Variants in PRRX2 observed in about 807,000 individuals in gnomAD.
The protein encoded by PRRX2 is paired mesoderm homeobox protein 2.
A neutral mutation model predicts 18.0 loss-of-function variants in PRRX2; 11 were observed. The ratio of observed to expected loss-of-function variants is 0.61; its 90% CI spans 0.39 to 1.01. The LOEUF (loss-of-function observed/expected upper bound fraction) is 1.01. PRRX2 is among the 50% of genes least tolerant of loss of function. PRRX2 has a pLI of 0.01. For missense variants in PRRX2, 387 were observed against 351.0 expected (o/e 1.10, Z -0.82); for synonymous variants, 177 against 154.8 (o/e 1.14, Z -1.06).
intron 1 of PRRX2, among the ~76,000 whole-genome samples, chr9:129,703,175 G>A (rs901697608): frequency 6.6e-6 from 1 of 152,256 alleles, no homozygotes; most frequent in Non-Finnish European, 1.5e-5. Flanking sequence ...ACAGCAGCTG[G>A]TGGGTACCTG....
At chr9:129,676,846 G>T (rs566757092) in intron 1 of PRRX2, among the ~76,000 whole-genome samples, 19 of 152,356 alleles carry the variant, frequency 1.2e-4, no homozygotes, top group African/African-American at 4.1e-4. Flanking sequence ...CCTGGAGAAA[G>T]AAGGGCTGCA....
intron 1 of PRRX2, among the ~76,000 whole-genome samples, chr9:129,699,439 ATGTGTGTGTG>A (rs3138854): frequency 1.9e-4 from 27 of 145,602 alleles, no homozygotes; most frequent in African/African-American, 5.8e-4. Flanking sequence ...AAATATATAT[ATGTGTGTGTG>A]TGTGTGTGTG....
Position 129,719,301 on chromosome 9 carries a change from GTTC to G in PRRX2, c.331_333del (p.Phe111del). On this transcript the variant is annotated inframe_deletion, in exon 2 of 4. Coordinates refer to ENST00000372469, the MANE Select transcript of PRRX2 (RefSeq NM_016307.4). ...AGAAGCAGCGGCGGAACCGCACCAC[GTTC>G]AACAGCAGCCAACTGCAGGCGCTGG... The G allele has an allele frequency of 1.2e-6, 2 of 1,611,044 alleles. No individual in the cohort carries two copies. Among genetic ancestry groups the G allele is most frequent in the Non-Finnish European group, 8.5e-7 (1 of 1,179,148 alleles).
intron 1 of PRRX2, among the ~76,000 whole-genome samples, chr9:129,694,737 A>G (rs1832399311): frequency 6.6e-6 from 1 of 152,104 alleles, no homozygotes; most frequent in Non-Finnish European, 1.5e-5. Context: ...CTGGGTTTGC[A>G]GGTGTGAGGA....
In PRRX2 at chr9:129,719,316, A is replaced by G. The variant is rs750705637; in HGVS notation, c.345A>G (p.Gln115=). 1.2e-6 allele frequency: 2 copies of G among 1,610,132 alleles called. No individual in the cohort carries two copies. Among genetic ancestry groups the G allele is most frequent in the Admixed American group, 1.7e-5 (1 of 59,628 alleles). The change falls in exon 2 of 4, where the codon CAA becomes CAG. Residue 115 remains glutamine (Q), a synonymous_variant. Coordinates refer to ENST00000372469, the MANE Select transcript of PRRX2 (RefSeq NM_016307.4). ...RRNRTTFNSS[Q]LQALERVFER... ...ACCGCACCACGTTCAACAGCAGCCA[A>G]CTGCAGGCGCTGGAGCGCGTGTTCG...
chr9:129,706,582 T>C (rs1832560391), intron 1 of PRRX2, among the ~76,000 whole-genome samples: 1 of 151,584 alleles, frequency 6.6e-6, no homozygotes, highest in Admixed American at 6.6e-5. Flanking sequence ...AAAATAATTA[T>C]TTGAGCATGG....
Position 129,665,908 on chromosome 9 carries a change from C to A in PRRX2, c.41C>A (p.Ala14Glu). 3 of 1,110,048 alleles carry A rather than the reference C, an allele frequency of 2.7e-6. No homozygotes were observed. Among genetic ancestry groups the A allele is most frequent in the Non-Finnish European group, 3.3e-6 (3 of 912,294 alleles). 68.8% of individuals were successfully genotyped at this position (1,110,048 alleles called of 1,614,324 possible). A position where few individuals can be genotyped will look rare whatever the true frequency, so the allele number is the denominator to read the frequency against. Reference protein sequence around the residue: ...AAAAFALDKPALGPGPPPPPP... With the variant: ...AAAAFALDKPELGPGPPPPPP... ...GCCGCCTTCGCCCTGGACAAGCCGGCGCTGGGCCCGGGGCCGCCGCCGCCT... is the reference window on the plus strand; with the variant it reads ...GCCGCCTTCGCCCTGGACAAGCCGGAGCTGGGCCCGGGGCCGCCGCCGCCT... The change falls in exon 1 of 4, where the codon GCG (alanine) becomes GAG (glutamate). Residue 14 changes from alanine to glutamate, a missense_variant. Physicochemically the swap from Ala to Glu is moderately radical, Grantham distance 107. Coordinates refer to ENST00000372469, the MANE Select transcript of PRRX2 (RefSeq NM_016307.4). This position sits in a 1 kb window ranked among gnomAD's most constrained non-coding sequence, Gnocchi z 5.3.
At position 129,675,816 on chromosome 9, in the gene PRRX2, G is replaced by A. The variant is rs899420923; in HGVS notation, c.259+9690G>A. The stretch of plus-strand genomic sequence containing the variant: ...GGCGGGCGCGCCTGGCAGGGGCCTC[G>A]CAGCCTCTCTCGCCGCCAGAGCTCT... On this transcript the variant is annotated intron_variant, in intron 1 of 3. Transcript: ENST00000372469. This position sits in a 1 kb window ranked among gnomAD's most constrained non-coding sequence, Gnocchi z 4.4. Among the ~76,000 whole-genome samples, 12 of 152,314 alleles carry A rather than the reference G, an allele frequency of 7.9e-5. No individual in the cohort carries two copies. Among genetic ancestry groups the A allele is most frequent in the South Asian group, 4.1e-4 (2 of 4,828 alleles).
chr9:129,693,377 T>C (rs2130919975), intron 1 of PRRX2, among the ~76,000 whole-genome samples: 1 of 152,308 alleles, frequency 6.6e-6, no homozygotes, highest in African/African-American at 2.4e-5. Context: ...GCGGATCACC[T>C]GAGGTCAGGA....
intron 1 of PRRX2, among the ~76,000 whole-genome samples, chr9:129,679,850 C>T (rs1280493935): frequency 6.6e-6 from 1 of 152,160 alleles, no homozygotes; most frequent in African/African-American, 2.4e-5. Flanking sequence ...CCCAAGGGCA[C>T]CCCTCCAGGG....
chr9:129,703,730 G>T (rs56091791), intron 1 of PRRX2, among the ~76,000 whole-genome samples: 12,228 of 152,268 alleles, frequency 0.08, 655 homozygotes, highest in African/African-American at 0.15. Context: ...ACAGTCCCAT[G>T]CTGCGGTGAG....
intron 1 of PRRX2, among the ~76,000 whole-genome samples, chr9:129,681,980 G>A (rs1291418228): frequency 1.3e-5 from 2 of 151,966 alleles, no homozygotes; most frequent in African/African-American, 4.8e-5. Context: ...CTGTGGCGCC[G>A]AGAATTTTCC....
intron 1 of PRRX2, among the ~76,000 whole-genome samples, chr9:129,686,787 C>T (rs1475935661): frequency 6.6e-5 from 10 of 152,230 alleles, no homozygotes; most frequent in South Asian, 4.1e-4. Context: ...CCCTCACCAC[C>T]GGCCGCCCCT....
chr9:129,692,628 C>A (rs560482136), intron 1 of PRRX2, among the ~76,000 whole-genome samples: 8 of 152,186 alleles, frequency 5.3e-5, no homozygotes, highest in African/African-American at 1.2e-4. Flanking sequence ...TTTTTCAGAA[C>A]GTCATGTGGT....
At chr9:129,678,673 A>G (rs1832191113) in intron 1 of PRRX2, among the ~76,000 whole-genome samples, 1 of 152,162 alleles carries the variant, frequency 6.6e-6, no homozygotes, top group Non-Finnish European at 1.5e-5. Context: ...AGAGAGCATG[A>G]TGGGGGCCTG....
At chr9:129,692,486 A>G (rs1263797094) in intron 1 of PRRX2, among the ~76,000 whole-genome samples, 1 of 152,086 alleles carries the variant, frequency 6.6e-6, no homozygotes, top group Non-Finnish European at 1.5e-5. Context: ...ATGCATAATG[A>G]CACGGATCCA....
intron 1 of PRRX2, among the ~76,000 whole-genome samples, chr9:129,678,755 G>A (rs1832191895): frequency 6.6e-6 from 1 of 152,160 alleles, no homozygotes; most frequent in South Asian, 2.1e-4. Context: ...CTGTGTGTCT[G>A]TGAGTGTCCA....
intron 1 of PRRX2, among the ~76,000 whole-genome samples, chr9:129,686,685 T>G (rs1832303235): frequency 2.0e-5 from 3 of 152,130 alleles, no homozygotes; most frequent in African/African-American, 7.2e-5. Flanking sequence ...CTGACCCTCT[T>G]ACTTTTGCAG....
At chr9:129,685,054 C>G (rs1832285843) in intron 1 of PRRX2, among the ~76,000 whole-genome samples, 1 of 152,204 alleles carries the variant, frequency 6.6e-6, no homozygotes. Context: ...GCCACTGACG[C>G]CCCTCCTGCC....
Sources: gnomAD v4.1 joint callset for allele counts (sites outside exome capture counted in the v4.1 genomes callset) on GRCh38, gnomAD v4.1.1 for gene constraint, Gnocchi (gnomAD v3.1) non-coding constraint, MANE v1.5 for transcripts, NCBI Gene and HGNC (gene_info 2026-07-23, HGNC 2026-07-21) for gene names.